Variants in MCFD2 observed in about 807,000 individuals in gnomAD.
MCFD2 encodes multiple coagulation factor deficiency protein 2.
In MCFD2, 11 loss-of-function variants were observed where a neutral mutation model predicts 12.8. That is an observed-to-expected ratio of 0.86 (90% CI 0.54 to 1.42). The LOEUF is 1.42. Among genes scored for constraint, MCFD2 ranks in the 40% most tolerant of loss-of-function variants. The pLI is 0.00. For synonymous variants in MCFD2, 70 were observed against 68.1 expected, an observed-to-expected ratio of 1.03 and a Z score of -0.14; for missense variants, 191 against 178.6, an observed-to-expected ratio of 1.07 and a Z score of -0.40.
chr2:46,922,170 T>G (rs549165122), intron 1 of MCFD2, among the ~76,000 whole-genome samples: 54 of 152,188 alleles, frequency 3.5e-4, no homozygotes, highest in African/African-American at 1.2e-3. Flanking sequence ...TACTTATAGA[T>G]TCTGATGACC....
chr2:46,904,973 TG>T lies in MCFD2; in HGVS notation c.*489del, dbSNP rs1668157140. 1 of 225,750 alleles carries T rather than the reference TG, an allele frequency of 4.4e-6. No homozygotes were observed. Among genetic ancestry groups the T allele is most frequent in the Non-Finnish European group, 8.9e-6 (1 of 112,356 alleles). The allele number at this position is 225,750 out of a possible 1,614,324, so 14.0% of individuals were successfully genotyped here. ...GACCCAAGGGGAGGTAATTGAATCA[TG>T]GGGGCCAGTCTTTCCCATGCTATTC... On this transcript the variant is annotated 3_prime_UTR_variant, in exon 4 of 4. Transcript: ENST00000319466.
At chr2:46,926,482 A>G (rs1669389426) in intron 1 of MCFD2, among the ~76,000 whole-genome samples, 1 of 152,198 alleles carries the variant, frequency 6.6e-6, no homozygotes, top group African/African-American at 2.4e-5. Context: ...GAGTCAAGGA[A>G]GACTTCCCTC....
At position 46,934,787 on chromosome 2, in the gene MCFD2, C is replaced by CTTTTTTTTT. The variant is rs1161003607; in HGVS notation, c.-8+6776_-8+6784dup. Among the ~76,000 whole-genome samples the CTTTTTTTTT allele has an allele frequency of 2.1e-3, 142 of 66,918 alleles. 17 individuals are homozygous for CTTTTTTTTT. Among genetic ancestry groups the CTTTTTTTTT allele is most frequent in the Non-Finnish European group, 2.9e-3 (110 of 37,310 alleles). The allele number at this position is 66,918 out of a possible 152,430, so 43.9% of individuals were successfully genotyped here. On this transcript the variant is annotated intron_variant, in intron 1 of 2. Transcript: ENST00000409147. ...GGAATAAGGTATGAAGACTACTGCT[C>CTTTTTTTTT]TTTTTTTTTTTTTTTTTTTTTTTTT...
chr2:46,918,449 C>T (rs1668932379), upstream of MCFD2, among the ~76,000 whole-genome samples: 1 of 152,178 alleles, frequency 6.6e-6, no homozygotes, highest in African/African-American at 2.4e-5. Flanking sequence ...CCATTCTTGC[C>T]CTACTGTAGT....
At chr2:46,921,156 A>AT (rs1365785190) in intron 1 of MCFD2, among the ~76,000 whole-genome samples, 2 of 152,198 alleles carry the variant, frequency 1.3e-5, no homozygotes, top group Non-Finnish European at 2.9e-5. Flanking sequence ...TAGTATATTC[A>AT]TTATACTAGA....
At chr2:46,934,011 A>G (rs760379226) in intron 1 of MCFD2, among the ~76,000 whole-genome samples, 5 of 152,168 alleles carry the variant, frequency 3.3e-5, no homozygotes, top group Non-Finnish European at 7.4e-5. Context: ...CTCCAGCCCA[A>G]CTACTCACAG....
rs1668297765 is a variant in MCFD2, at chr2:46,907,584, G to C, written c.309+226C>G. On this transcript the variant is annotated intron_variant, in intron 3 of 3. Coordinates refer to ENST00000319466, the MANE Select transcript of MCFD2 (RefSeq NM_139279.6). This position sits in a 1 kb window ranked among gnomAD's most constrained non-coding sequence, Gnocchi z 4.1. ...ATTTTTGTTTTGTTTGTTTTGTAGA[G>C]ACAGGGTCTCACTATATTGCCAAGG... is the stretch of plus-strand genomic sequence containing the variant. 8.9e-6 allele frequency: 5 copies of C among 564,118 alleles called. 1 individual carries two copies. The highest frequency in any genetic ancestry group is 5.7e-5 in the African/African-American group (3 of 52,994). 34.9% of individuals were successfully genotyped at this position (564,118 alleles called of 1,614,324 possible).
chr2:46,933,530 C>A (rs1001924017), intron 1 of MCFD2, among the ~76,000 whole-genome samples: 1 of 152,182 alleles, frequency 6.6e-6, no homozygotes, highest in Non-Finnish European at 1.5e-5. Flanking sequence ...TAGCCAGCTC[C>A]TGGCAGAGTT....
chr2:46,927,683 G>A (rs1340586571), intron 1 of MCFD2, among the ~76,000 whole-genome samples: 1 of 151,918 alleles, frequency 6.6e-6, no homozygotes, highest in Non-Finnish European at 1.5e-5. Flanking sequence ...TATTAAAGGA[G>A]CAACAGACGG....
chr2:46,915,837 T>A (rs1471237470), upstream of MCFD2: 3 of 284,928 alleles, frequency 1.1e-5, no homozygotes, highest in Non-Finnish European at 1.3e-5. Context: ...CGACCTGCCC[T>A]GCGCACGCGC....
intron 1 of MCFD2, among the ~76,000 whole-genome samples, chr2:46,934,399 T>C (rs1409220015): frequency 6.6e-6 from 1 of 152,116 alleles, no homozygotes; most frequent in Non-Finnish European, 1.5e-5. Context: ...GCTGGTATTA[T>C]AGATGCATGC....
intron 1 of MCFD2, among the ~76,000 whole-genome samples, chr2:46,920,840 A>G (rs1369540637): frequency 6.6e-6 from 1 of 152,114 alleles, no homozygotes; most frequent in African/African-American, 2.4e-5. Flanking sequence ...TCACATTAAA[A>G]TGAAAATGTG....
Position 46,941,601 on chromosome 2 carries a change from C to A in MCFD2, c.-37G>T. On this transcript the variant is annotated 5_prime_UTR_variant, in exon 1 of 3. Coordinates refer to the MCFD2 transcript ENST00000409147. The surrounding 1 kb of genome is among the most constrained non-coding windows in gnomAD (Gnocchi z 4.2). Reference sequence around the variant, plus strand: ...AGGTGGAGAGCGAGCTGGAGCGCTGCCGCGCCGAGGGCCACTGGGACCGCA... The same window carrying A: ...AGGTGGAGAGCGAGCTGGAGCGCTGACGCGCCGAGGGCCACTGGGACCGCA... 1 of 1,556,974 alleles carries A rather than the reference C, an allele frequency of 6.4e-7. No individual in the cohort carries two copies. Among genetic ancestry groups the A allele is most frequent in the East Asian group, 2.4e-5 (1 of 41,498 alleles).
chr2:46,929,136 C>T (rs578060057), intron 1 of MCFD2, among the ~76,000 whole-genome samples: 10 of 152,082 alleles, frequency 6.6e-5, no homozygotes, highest in Non-Finnish European at 1.5e-4. Context: ...GCACCCCAGC[C>T]TGGGGCAATA....
intron 1 of MCFD2, among the ~76,000 whole-genome samples, chr2:46,925,762 T>A (rs1000685787): frequency 6.6e-6 from 1 of 152,156 alleles, no homozygotes; most frequent in Non-Finnish European, 1.5e-5. Context: ...GGAAAGACCA[T>A]GTTAACCCCC....
chr2:46,935,283 T>C (rs1669921634), intron 1 of MCFD2, among the ~76,000 whole-genome samples: 1 of 152,172 alleles, frequency 6.6e-6, no homozygotes, highest in Non-Finnish European at 1.5e-5. Context: ...TCTTTCATCC[T>C]GAGCCCAGGA....
At chr2:46,938,680 C>A (rs1298164845) in intron 1 of MCFD2, among the ~76,000 whole-genome samples, 1 of 152,116 alleles carries the variant, frequency 6.6e-6, no homozygotes, top group Admixed American at 6.6e-5. Context: ...TCAATAAATT[C>A]TATGGGCCCT....
rs1668161612 is a variant in MCFD2, at chr2:46,905,052, CT to C, written c.*410del. The C allele has an allele frequency of 3.2e-6, 1 of 312,632 alleles. No individual in the cohort carries two copies. The highest frequency in any genetic ancestry group is 6.0e-6 in the Non-Finnish European group (1 of 165,862). 19.4% of individuals were successfully genotyped at this position (312,632 alleles called of 1,614,324 possible). A position where few individuals can be genotyped will look rare whatever the true frequency, so the allele number is the denominator to read the frequency against. On this transcript the variant is annotated 3_prime_UTR_variant, in exon 4 of 4. Transcript: ENST00000319466. The stretch of plus-strand genomic sequence containing the variant: ...TCTGATGGCTTATCAGGGGTTTCCA[CT>C]TTTGCTTCTTCCTCATTTTCTCTTG...
intron 1 of MCFD2, among the ~76,000 whole-genome samples, chr2:46,930,389 A>T (rs1433878255): frequency 6.6e-6 from 1 of 151,542 alleles, no homozygotes; most frequent in Admixed American, 6.6e-5. Context: ...TTTTATAATT[A>T]ACTTCATGCC....
Sources: allele counts gnomAD v4.1 joint callset (sites outside exome capture counted in the v4.1 genomes callset), GRCh38; gene constraint gnomAD v4.1.1; non-coding constraint Gnocchi (gnomAD v3.1); transcripts MANE v1.5; gene names NCBI Gene and HGNC (gene_info 2026-07-23, HGNC 2026-07-21).